GMDS: variants seen among roughly 807,000 people sequenced by gnomAD.
The protein encoded by GMDS is GDP-mannose 4,6-dehydratase, also known as GDP-mannose 4,6 dehydratase.
GMDS carries 20 observed loss-of-function variants against 49.9 expected under a neutral mutation model. The observed-to-expected ratio is 0.40, with a 90% CI of 0.28 to 0.58. The LOEUF is 0.58. GMDS is among the 20% of genes least tolerant of loss of function. The probability of loss-of-function intolerance (pLI) is 0.42; values close to 1 mark genes in which losing one functional copy is unlikely to be tolerated. For synonymous variants in GMDS, 177 were observed against 178.6 expected, an observed-to-expected ratio of 0.99 and a Z score of 0.07; for missense variants, 362 against 481.4, an observed-to-expected ratio of 0.75 and a Z score of 2.32.
At chr6:2,042,512 C>A (rs145644842) in intron 4 of GMDS, among the ~76,000 whole-genome samples, 136 of 152,142 alleles carry the variant, frequency 8.9e-4, no homozygotes, top group African/African-American at 3.1e-3. Flanking sequence ...AAGCTTACAG[C>A]GAAAGAATTA....
At position 1,715,030 on chromosome 6, in the gene GMDS, G is replaced by A. The variant is rs577219260; in HGVS notation, c.987+11386C>T. Among the ~76,000 whole-genome samples the A allele has an allele frequency of 2.6e-5, 4 of 152,238 alleles. No homozygotes were observed. In the East Asian group the frequency reaches 7.7e-4, roughly 29 times the overall value. On this transcript the variant is annotated intron_variant, in intron 9 of 10. Transcript: ENST00000380815. Reference sequence around the variant, plus strand: ...AAGGTGCAGAGGGAAGTGGAGAAACGAACAGAACCTATGAAAATAAGAGTT... The same window carrying A: ...AAGGTGCAGAGGGAAGTGGAGAAACAAACAGAACCTATGAAAATAAGAGTT...
In GMDS at chr6:2,160,392, A is replaced by G. The variant is rs1581729877; in HGVS notation, c.103-35661T>C. Among the ~76,000 whole-genome samples the G allele has an allele frequency of 3.9e-5, 6 of 152,206 alleles. No homozygotes were observed. The South Asian group carries it at 1.0e-3, about 26-fold the overall frequency. The stretch of plus-strand genomic sequence containing the variant: ...AATGGATAAGCACTACTATGATCCC[A>G]TTTTATAGGTGGAACACTTTTCAGC... On this transcript the variant is annotated intron_variant, in intron 1 of 10. Coordinates refer to ENST00000380815, the MANE Select transcript of GMDS (RefSeq NM_001500.4).
At chr6:2,168,070 T>G (rs762865723) in intron 1 of GMDS, among the ~76,000 whole-genome samples, 5 of 152,198 alleles carry the variant, frequency 3.3e-5, no homozygotes, top group Non-Finnish European at 7.3e-5. Flanking sequence ...CCATGGCTCT[T>G]CTTTGTGGGT....
chr6:1,765,618 C>T (rs1464945160), intron 7 of GMDS, among the ~76,000 whole-genome samples: 3 of 152,174 alleles, frequency 2.0e-5, no homozygotes, highest in Non-Finnish European at 2.9e-5. Context: ...GAGGACTGAC[C>T]TGCAACAGGG....
intron 9 of GMDS, among the ~76,000 whole-genome samples, chr6:1,699,499 G>T (rs1178486956): frequency 6.6e-6 from 1 of 152,082 alleles, no homozygotes; most frequent in East Asian, 1.9e-4. Flanking sequence ...TCTTGGTGTG[G>T]GCAGGGCTGG....
At position 1,930,065 on chromosome 6, in the gene GMDS, T is replaced by A. The variant is rs2274023; in HGVS notation, c.771+38A>T. 1.9e-3 allele frequency: 3,005 copies of A among 1,564,346 alleles called. 84 individuals are homozygous for A. In the East Asian group the frequency reaches 0.052, roughly 27 times the overall value. On this transcript the variant is annotated intron_variant, in intron 7 of 10. Coordinates refer to ENST00000380815, the MANE Select transcript of GMDS (RefSeq NM_001500.4). ...GCTTGGCATTTAGAATATCAATGGA[T>A]ACGGGTATTTTCAAGAATGTAATGT...
chr6:1,942,407 G>A (rs1381407809), intron 6 of GMDS, among the ~76,000 whole-genome samples: 2 of 152,072 alleles, frequency 1.3e-5, no homozygotes, highest in African/African-American at 4.8e-5. Context: ...GGTTCTAATG[G>A]GAGTAGCCTA....
chr6:2,209,135 C>G (rs185739707), intron 1 of GMDS, among the ~76,000 whole-genome samples: 28 of 152,344 alleles, frequency 1.8e-4, no homozygotes, highest in African/African-American at 6.7e-4. Context: ...ACTCCATAAT[C>G]AGACTTCTTA....
At chr6:2,002,887 A>G (rs1442370751) in intron 4 of GMDS, among the ~76,000 whole-genome samples, 1 of 152,182 alleles carries the variant, frequency 6.6e-6, no homozygotes, top group Non-Finnish European at 1.5e-5. Flanking sequence ...CATGCCAGAA[A>G]TATCTACCAC....
intron 1 of GMDS, among the ~76,000 whole-genome samples, chr6:2,137,565 C>A (rs1033723614): frequency 7.2e-5 from 11 of 152,168 alleles, no homozygotes; most frequent in South Asian, 6.2e-4. Flanking sequence ...AACTCCCGAC[C>A]TCAGGTGATC....
At chr6:2,037,762 C>T (rs1037698609) in intron 4 of GMDS, among the ~76,000 whole-genome samples, 6 of 152,086 alleles carry the variant, frequency 3.9e-5, no homozygotes, top group Non-Finnish European at 8.8e-5. Context: ...CCGCTCAAGC[C>T]GCACTTTCCT....
intron 6 of GMDS, 72 bp from the exon 7 acceptor site, chr6:1,930,302 C>T (rs759105995): frequency 1.2e-5 from 15 of 1,271,898 alleles, no homozygotes; most frequent in South Asian, 4.2e-5. Flanking sequence ...GAACCAAACC[C>T]GATTTCGGCC....
chr6:2,145,213 C>T (rs4959168), intron 1 of GMDS, among the ~76,000 whole-genome samples: 106,281 of 152,062 alleles, frequency 0.7, 37,525 homozygotes, highest in East Asian at 0.81. Context: ...GTACCCAAAA[C>T]ACCAAACGTA....
intron 8 of GMDS, among the ~76,000 whole-genome samples, chr6:1,736,216 C>A (rs1766997837): frequency 1.3e-5 from 2 of 152,122 alleles, no homozygotes; most frequent in Admixed American, 6.5e-5. Flanking sequence ...AAAGGCACTA[C>A]AACATCACCT....
intron 1 of GMDS, among the ~76,000 whole-genome samples, chr6:2,138,217 T>C (rs1776106470): frequency 6.6e-6 from 1 of 152,246 alleles, no homozygotes; most frequent in South Asian, 2.1e-4. Context: ...TCATACTGTA[T>C]AACTTACACA....
chr6:2,180,876 G>C (rs1357807607), intron 1 of GMDS, among the ~76,000 whole-genome samples: 2 of 152,112 alleles, frequency 1.3e-5, no homozygotes, highest in African/African-American at 4.8e-5. Flanking sequence ...ACATAAGACA[G>C]ATGGATGAAG....
chr6:1,902,420 C>T (rs1022395543), intron 7 of GMDS, among the ~76,000 whole-genome samples: 1 of 152,040 alleles, frequency 6.6e-6, no homozygotes, highest in East Asian at 1.9e-4. Context: ...AGATTACTGA[C>T]TAAAATAAGT....
At chr6:2,011,555 A>T (rs2127394322) in intron 4 of GMDS, among the ~76,000 whole-genome samples, 1 of 152,328 alleles carries the variant, frequency 6.6e-6, no homozygotes, top group Non-Finnish European at 1.5e-5. Context: ...ATACATGTCC[A>T]TCATTGGAAG....
In GMDS at chr6:2,132,184, T is replaced by C. The variant is rs572047208; in HGVS notation, c.103-7453A>G. On this transcript the variant is annotated intron_variant, in intron 1 of 10. Transcript: ENST00000380815. Reference sequence around the variant, plus strand: ...GGATTTAAACTATGTCTACTTGTAATACATTATTTATATGGCAATTTGCTT... The same window carrying C: ...GGATTTAAACTATGTCTACTTGTAACACATTATTTATATGGCAATTTGCTT... Among the ~76,000 whole-genome samples the C allele has an allele frequency of 1.4e-4, 21 of 152,324 alleles. No individual in the cohort carries two copies. In the South Asian group the frequency reaches 4.3e-3, roughly 32 times the overall value.
Sources: gnomAD v4.1 joint callset for allele counts (sites outside exome capture counted in the v4.1 genomes callset) on GRCh38, gnomAD v4.1.1 for gene constraint, MANE v1.5 for transcripts, NCBI Gene and HGNC (gene_info 2026-07-23, HGNC 2026-07-21) for gene names.